Variants in GNL3L observed in about 807,000 individuals in gnomAD.
The protein encoded by GNL3L is G protein nucleolar 3 like.
A neutral mutation model predicts 42.9 loss-of-function variants in GNL3L; 4 were observed. The ratio of observed to expected loss-of-function variants is 0.09; its 90% CI spans 0.05 to 0.21. GNL3L has a LOEUF of 0.21. GNL3L is among the 10% of genes least tolerant of loss of function. The pLI, the probability that GNL3L is intolerant of heterozygous loss-of-function variation, is 1.00. For missense variants in GNL3L, 412 were observed against 481.7 expected, an observed-to-expected ratio of 0.86 and a Z score of 1.36; for synonymous variants, 159 against 176.3, an observed-to-expected ratio of 0.90 and a Z score of 0.78.
chrX:54,631,494 C>T, the GNL3L span, among the ~76,000 whole-genome samples: 3 of 111,373 alleles, frequency 2.7e-5, no homozygotes, highest in Admixed American at 2.9e-4. Flanking sequence ...TCCTGTTGGA[C>T]TAGTCCTTTT....
chrX:54,621,398 G>A (rs1282375395), exon 17 of GNL3L, among the ~76,000 whole-genome samples: 1 of 111,744 alleles, frequency 8.9e-6, no homozygotes, highest in African/African-American at 3.3e-5. Flanking sequence ...AGCCATTTGA[G>A]TGAGCCTTCT....
intron 16 of GNL3L, among the ~76,000 whole-genome samples, chrX:54,594,172 C>T (rs138440679): frequency 0.038 from 4,232 of 111,248 alleles, 90 homozygotes; most frequent in Middle Eastern, 0.057. Flanking sequence ...TTTCTCTCTG[C>T]AAGATTTGTC....
At chrX:54,554,808 A>G (rs1569542148) in intron 14 of GNL3L, 116 bp downstream of exon 14, 1 of 623,648 alleles carries the variant, frequency 1.6e-6, no homozygotes, top group East Asian at 3.3e-5. Context: ...CTCGCTCCCT[A>G]TGGGCTTCTG....
At chrX:54,632,068 C>T in the GNL3L span, among the ~76,000 whole-genome samples, 2 of 111,993 alleles carry the variant, frequency 1.8e-5, no homozygotes, top group Non-Finnish European at 3.8e-5. Flanking sequence ...GGCTGATAAT[C>T]GTTTTGTTTA....
intron 16 of GNL3L, among the ~76,000 whole-genome samples, chrX:54,579,986 G>GTTTTTTTTTTT (rs869217575): frequency 9.2e-4 from 44 of 47,678 alleles, no homozygotes; most frequent in African/African-American, 3.5e-3. Context: ...CCTAAAGTTT[G>GTTTTTTTTTTT]TTTTTTTTTT....
chrX:54,627,676 C>G, the GNL3L span, among the ~76,000 whole-genome samples: 24 of 111,420 alleles, frequency 2.2e-4, no homozygotes, highest in Non-Finnish European at 4.1e-4. Context: ...GTGTTTTGCT[C>G]TATCCCATAA....
At chrX:54,544,718 T>C (rs1924724759) in intron 8 of GNL3L, among the ~76,000 whole-genome samples, 1 of 110,664 alleles carries the variant, frequency 9.0e-6, no homozygotes, top group Admixed American at 9.7e-5. Flanking sequence ...CTTCAGGTGA[T>C]CCACCCACCT....
intron 16 of GNL3L, among the ~76,000 whole-genome samples, chrX:54,599,182 C>T (rs1925972688): frequency 9.0e-6 from 1 of 111,392 alleles, no homozygotes; most frequent in Admixed American, 9.5e-5. Flanking sequence ...AGAAATAATG[C>T]CGGCAAGAAG....
At chrX:54,596,531 G>A (rs983585211) in intron 16 of GNL3L, among the ~76,000 whole-genome samples, 4 of 111,785 alleles carry the variant, frequency 3.6e-5, no homozygotes, top group African/African-American at 9.7e-5. Flanking sequence ...GGTCTCGCCC[G>A]AGGTTTACTG....
the GNL3L span, among the ~76,000 whole-genome samples, chrX:54,639,152 G>T: frequency 9.1e-6 from 1 of 110,168 alleles, no homozygotes; most frequent in Non-Finnish European, 1.9e-5. Flanking sequence ...TCACTGTGTT[G>T]CCCATGCTGG....
downstream of GNL3L, among the ~76,000 whole-genome samples, chrX:54,624,443 T>C (rs1484540679): frequency 7.9e-5 from 8 of 101,197 alleles, no homozygotes; most frequent in East Asian, 3.0e-4. Context: ...TTTTTCTTTT[T>C]TTTTTTTTTT....
Position 54,558,614 on chromosome X carries a change from C to T in GNL3L, c.1625C>T (p.Ala542Val). 1 of 1,208,848 alleles carries T rather than the reference C, an allele frequency of 8.3e-7. No homozygotes were observed. Among genetic ancestry groups the T allele is most frequent in the Non-Finnish European group, 1.1e-6 (1 of 893,504 alleles). Residue 542 changes from alanine to valine, a missense_variant, in exon 15 of 16, where the codon GCA becomes GTA. Ala to Val is a moderately conservative substitution (Grantham distance 64, BLOSUM62 0). Coordinates refer to ENST00000360845, the MANE Select transcript of GNL3L (RefSeq NM_001184819.2). ...TDPLQQGQAL[A>V]SALKNKKKMQ... Reference sequence around the variant, plus strand: ...CCCCTGCAACAGGGCCAGGCTCTGGCATCTGCCCTGAAAAATAAGAAGAAG... The same window carrying T: ...CCCCTGCAACAGGGCCAGGCTCTGGTATCTGCCCTGAAAAATAAGAAGAAG...
At chrX:54,530,719 A>C (rs1293244307) in intron 1 of GNL3L, among the ~76,000 whole-genome samples, 3 of 112,075 alleles carry the variant, frequency 2.7e-5, no homozygotes, top group Non-Finnish European at 3.8e-5. Flanking sequence ...AACCGTGTAG[A>C]GACATCTCCC....
At chrX:54,609,644 A>G (rs924331019) in intron 16 of GNL3L, among the ~76,000 whole-genome samples, 11 of 111,689 alleles carry the variant, frequency 9.8e-5, no homozygotes, top group Admixed American at 5.7e-4. Flanking sequence ...GCTTTGTTGA[A>G]GATCAGTTGG....
At chrX:54,573,444 C>T (rs1450646861) in intron 16 of GNL3L, among the ~76,000 whole-genome samples, 1 of 111,631 alleles carries the variant, frequency 9.0e-6, no homozygotes, top group East Asian at 2.8e-4. Flanking sequence ...TGCAGTGAGC[C>T]GAGATGGCAG....
chrX:54,601,068 A>G (rs1338961636), intron 16 of GNL3L, among the ~76,000 whole-genome samples: 1 of 112,122 alleles, frequency 8.9e-6, no homozygotes, highest in African/African-American at 3.2e-5. Context: ...ACCTTGATAC[A>G]TTAAGCTAAG....
chrX:54,563,734 C>CCAG lies in GNL3L; in HGVS notation c.*3132_*3133insCAG, dbSNP rs1925337831. The stretch of plus-strand genomic sequence containing the variant: ...CCAGGAGGTCGATGCTGCATTGAGC[C>CCAG]GAGATTGTGCCACTGCTCTCCAGCG... On this transcript the variant is annotated 3_prime_UTR_variant, in exon 16 of 16. Coordinates refer to ENST00000360845, the MANE Select transcript of GNL3L (RefSeq NM_001184819.2). 9.1e-6 allele frequency among the ~76,000 whole-genome samples: 1 copy of CCAG among 109,874 alleles called. No individual in the cohort carries two copies. The highest frequency in any genetic ancestry group is 3.3e-5 in the African/African-American group (1 of 30,215).
intron 16 of GNL3L, among the ~76,000 whole-genome samples, chrX:54,613,879 CTCT>C (rs2039013941): frequency 9.1e-6 from 1 of 110,324 alleles, no homozygotes; most frequent in South Asian, 3.9e-4. Flanking sequence ...TGGTTTAATG[CTCT>C]TTTTTTGTGC....
Position 54,541,303 on chromosome X carries a change from G to A in GNL3L, c.220G>A (p.Ala74Thr), listed in dbSNP as rs762401978. The A allele has an allele frequency of 7.0e-5, 85 of 1,207,064 alleles. No homozygotes were observed. The highest frequency in any genetic ancestry group is 8.7e-5 in the Non-Finnish European group (78 of 893,049). ...VEEMREKQQA[A>T]REQERQKRRT... ...GGAGATGAGGGAGAAGCAGCAAGCCGCCCGGGAGCAAGAAAGACAAAAACG... is the reference window on the plus strand; with the variant it reads ...GGAGATGAGGGAGAAGCAGCAAGCCACCCGGGAGCAAGAAAGACAAAAACG... The change falls in exon 5 of 16, where the codon GCC (alanine) becomes ACC (threonine). Residue 74 changes from alanine (A) to threonine (T), a missense_variant. Physicochemically the swap from Ala to Thr is moderately conservative, Grantham distance 58. Transcript: ENST00000360845.
Sources: gnomAD v4.1 joint callset for allele counts (sites outside exome capture counted in the v4.1 genomes callset) on GRCh38, gnomAD v4.1.1 for gene constraint, MANE v1.5 for transcripts, NCBI Gene and HGNC (gene_info 2026-07-23, HGNC 2026-07-21) for gene names.